AGMO: variants seen among roughly 807,000 people sequenced by gnomAD.
AGMO encodes the protein glyceryl-ether monooxygenase.
AGMO carries 75 observed loss-of-function variants against 60.2 expected under a neutral mutation model. The observed-to-expected ratio is 1.25, with a 90% CI of 1.03 to 1.51. The LOEUF is 1.51. Among genes scored for constraint, AGMO ranks in the 40% most tolerant of loss-of-function variants. AGMO has a pLI of 0.00. For synonymous variants in AGMO, 261 were observed against 177.1 expected (o/e 1.47, Z -3.76); for missense variants, 763 against 525.5 (o/e 1.45, Z -4.42).
chr7:15,560,157 G>C lies in AGMO; in HGVS notation c.241C>G (p.Leu81Val), dbSNP rs1421658018. 3 of 1,610,680 alleles carry C rather than the reference G, an allele frequency of 1.9e-6. No individual in the cohort carries two copies. Among genetic ancestry groups the C allele is most frequent in the Non-Finnish European group, 2.5e-6 (3 of 1,177,758 alleles). The change falls in exon 2 of 13, where the codon CTG (leucine) becomes GTG (valine). Residue 81 changes from leucine to valine, a missense_variant. Transcript: ENST00000342526. ...DALTSISAGV[L>V]SRLPSLFFRS... Reference sequence around the variant, plus strand: ...CTAACTCACCTTGGAAGTCGAGACAGAACACCAGCTGAGATTGACGTTAAA... The same window carrying C: ...CTAACTCACCTTGGAAGTCGAGACACAACACCAGCTGAGATTGACGTTAAA...
At chr7:15,397,716 C>G (rs1246993154) in intron 5 of AGMO, among the ~76,000 whole-genome samples, 1 of 152,152 alleles carries the variant, frequency 6.6e-6, no homozygotes, top group East Asian at 1.9e-4. Context: ...CTACAAACAG[C>G]AAAACTTTGG....
chr7:15,323,838 C>A (rs1054962152), intron 12 of AGMO, among the ~76,000 whole-genome samples: 4 of 152,122 alleles, frequency 2.6e-5, no homozygotes, highest in African/African-American at 9.7e-5. Flanking sequence ...AAAACAGACA[C>A]GAGATGTTGC....
chr7:15,337,660 A>G (rs1781705352), intron 12 of AGMO, among the ~76,000 whole-genome samples: 2 of 152,190 alleles, frequency 1.3e-5, no homozygotes, highest in African/African-American at 4.8e-5. Flanking sequence ...ACCCTCAACA[A>G]TCCTAATGCT....
intron 12 of AGMO, among the ~76,000 whole-genome samples, chr7:15,322,729 T>G (rs1182325951): frequency 1.6e-5 from 2 of 125,246 alleles, no homozygotes; most frequent in Non-Finnish European, 3.2e-5. Context: ...TATAAATATA[T>G]ATATAAATAT....
chr7:15,545,126 T>G (rs1424259453), intron 2 of AGMO, among the ~76,000 whole-genome samples: 1 of 152,164 alleles, frequency 6.6e-6, no homozygotes, highest in Non-Finnish European at 1.5e-5. Context: ...TTATTTTATT[T>G]CATAGGCATC....
intron 12 of AGMO, among the ~76,000 whole-genome samples, chr7:15,206,317 G>C (rs1781438859): frequency 6.6e-6 from 1 of 151,554 alleles, no homozygotes; most frequent in Non-Finnish European, 1.5e-5. Flanking sequence ...ATTGAGAATT[G>C]TTTTCACTTT....
chr7:15,222,286 A>C (rs1781946434), intron 12 of AGMO, among the ~76,000 whole-genome samples: 1 of 152,078 alleles, frequency 6.6e-6, no homozygotes, highest in Non-Finnish European at 1.5e-5. Flanking sequence ...TTAATTAATT[A>C]GTTCACAGAT....
intron 10 of AGMO, among the ~76,000 whole-genome samples, chr7:15,378,823 C>T (rs547409479): frequency 9.9e-5 from 15 of 152,032 alleles, no homozygotes; most frequent in Non-Finnish European, 1.3e-4. Flanking sequence ...TTCTTCTCAT[C>T]GCTACATGAC....
chr7:15,337,651 C>G (rs1163811783), intron 12 of AGMO, among the ~76,000 whole-genome samples: 1 of 152,158 alleles, frequency 6.6e-6, no homozygotes, highest in African/African-American at 2.4e-5. Context: ...CACCTGCTCA[C>G]CCTCAACAAT....
At chr7:15,391,057 TTTA>T in intron 6 of AGMO, 152 bp from the exon 7 acceptor site, 1 of 548,144 alleles carries the variant, frequency 1.8e-6, no homozygotes, top group South Asian at 2.8e-5. Flanking sequence ...AACATCAGAT[TTTA>T]TTGTCTAATA....
Position 15,368,523 on chromosome 7 carries a change from G to C in AGMO, c.1075-2301C>G, listed in dbSNP as rs191155301. Among the ~76,000 whole-genome samples, 4 of 152,146 alleles carry C rather than the reference G, an allele frequency of 2.6e-5. No homozygotes were observed. The South Asian group carries it at 6.2e-4, about 24-fold the overall frequency. ...CCATGTAAACATGAGCAAATTATTT[G>C]ACATTTTAAAGCCTCAGCTATGCGT... On this transcript the variant is annotated intron_variant, in intron 10 of 12. Transcript: ENST00000342526.
intron 12 of AGMO, among the ~76,000 whole-genome samples, chr7:15,316,623 C>A (rs911350014): frequency 6.6e-6 from 1 of 152,012 alleles, no homozygotes; most frequent in Non-Finnish European, 1.5e-5. Flanking sequence ...CACACACACA[C>A]ACAAGTTCAT....
At chr7:15,474,942 A>T (rs887115322) in intron 3 of AGMO, among the ~76,000 whole-genome samples, 2 of 152,142 alleles carry the variant, frequency 1.3e-5, no homozygotes, top group Non-Finnish European at 2.9e-5. Context: ...CATGAAAAAA[A>T]GCTCATCATC....
chr7:15,406,939 AC>A (rs1260445136), intron 5 of AGMO, among the ~76,000 whole-genome samples: 4 of 141,364 alleles, frequency 2.8e-5, no homozygotes, highest in Non-Finnish European at 3.1e-5. Flanking sequence ...GCGCACACAC[AC>A]ACACACACAC....
In AGMO at chr7:15,201,357, A is replaced by T; in HGVS notation, c.1266T>A (p.Ile422=). 1 of 1,611,084 alleles carries T rather than the reference A, an allele frequency of 6.2e-7. No homozygotes were observed. Among genetic ancestry groups the T allele is most frequent in the South Asian group, 1.1e-5 (1 of 90,774 alleles). Residue 422 remains isoleucine, a splice_region_variant and synonymous_variant, in exon 13 of 13, where the codon ATT becomes ATA. Coordinates refer to ENST00000342526, the MANE Select transcript of AGMO (RefSeq NM_001004320.2). The stretch of plus-strand genomic sequence containing the variant: ...AGAAAGCAATGCAAATGGAAAAAAC[A>T]ATCTGAAGAAATAAAACACAAAGAG... The part of the protein sequence containing the change: ...LVPSLSSAFE[I]VFSICIAFWG...
chr7:15,218,603 T>G lies in AGMO; in HGVS notation c.1264-17244A>C, dbSNP rs10275871. Among the ~76,000 whole-genome samples the G allele has an allele frequency of 5.5e-3, 844 of 152,182 alleles. 6 individuals are homozygous for G. The highest frequency in any genetic ancestry group is 0.019 in the African/African-American group (796 of 41,542). ...TGTAAGCTTGGCTAATATACAATTTTGGATATTTTATTTTTTCTGTATTTT... is the reference window on the plus strand; with the variant it reads ...TGTAAGCTTGGCTAATATACAATTTGGGATATTTTATTTTTTCTGTATTTT... On this transcript the variant is annotated intron_variant, in intron 12 of 12. Transcript: ENST00000342526.
chr7:15,135,408 C>G, the AGMO span, among the ~76,000 whole-genome samples: 3 of 152,084 alleles, frequency 2.0e-5, no homozygotes, highest in African/African-American at 7.2e-5. Context: ...AGTGACTTCT[C>G]TTCATGACTG....
intron 12 of AGMO, among the ~76,000 whole-genome samples, chr7:15,231,461 T>C (rs539859787): frequency 6.6e-6 from 1 of 152,348 alleles, no homozygotes; most frequent in African/African-American, 2.4e-5. Context: ...GAGCTTTCTT[T>C]GAAATTCCCT....
intron 12 of AGMO, among the ~76,000 whole-genome samples, chr7:15,235,302 TTGTTTG>T (rs1336970116): frequency 3.3e-5 from 5 of 152,116 alleles, no homozygotes; most frequent in African/African-American, 9.7e-5. Flanking sequence ...GACAAAGACC[TTGTTTG>T]TGTTTTTGTC....
Sources: gnomAD v4.1 joint callset for allele counts (sites outside exome capture counted in the v4.1 genomes callset) on GRCh38, gnomAD v4.1.1 for gene constraint, MANE v1.5 for transcripts, NCBI Gene and HGNC (gene_info 2026-07-23, HGNC 2026-07-21) for gene names.